PBX1: variants seen among roughly 807,000 people sequenced by gnomAD.
The protein encoded by PBX1 is PBX homeobox 1.
PBX1 carries 6 observed loss-of-function variants against 53.4 expected under a neutral mutation model. The observed-to-expected ratio is 0.11, with a 90% confidence interval of 0.06 to 0.22. The LOEUF is 0.22. Ranked by LOEUF, PBX1 falls within the 10% of genes least tolerant of loss-of-function variation. The pLI is 1.00. For synonymous variants in PBX1, 204 were observed against 212.3 expected (o/e 0.96, Z 0.34); for missense variants, 251 against 551.4 (o/e 0.46, Z 5.46).
intron 2 of PBX1, among the ~76,000 whole-genome samples, chr1:164,633,536 T>C (rs1658549571): frequency 2.6e-5 from 4 of 152,196 alleles, no homozygotes; most frequent in Admixed American, 6.5e-5. Flanking sequence ...TTATTTGGGG[T>C]CTCAGTATGG....
At chr1:164,780,417 G>A (rs2102273125) in intron 2 of PBX1, among the ~76,000 whole-genome samples, 1 of 152,288 alleles carries the variant, frequency 6.6e-6, no homozygotes, top group East Asian at 1.9e-4. Flanking sequence ...ACTTGAATCG[G>A]CAGTCGAGAA....
intron 2 of PBX1, among the ~76,000 whole-genome samples, chr1:164,672,037 G>GTTT (rs35765268): frequency 2.8e-5 from 4 of 142,232 alleles, no homozygotes; most frequent in Non-Finnish European, 3.1e-5. Context: ...TTTTCTTTCT[G>GTTT]TTTTTTTTTT....
intron 2 of PBX1, among the ~76,000 whole-genome samples, chr1:164,665,277 T>G (rs1660742147): frequency 6.6e-6 from 1 of 152,188 alleles, no homozygotes; most frequent in Non-Finnish European, 1.5e-5. Context: ...TTTCAGATTT[T>G]ATTTTATTTT....
chr1:164,802,775 C>G (rs1669146141), intron 4 of PBX1, among the ~76,000 whole-genome samples: 1 of 152,086 alleles, frequency 6.6e-6, no homozygotes. Context: ...TTCATTCATT[C>G]ATTCATTCAT....
chr1:164,618,016 C>T (rs1438014028), intron 2 of PBX1, among the ~76,000 whole-genome samples: 1 of 152,136 alleles, frequency 6.6e-6, no homozygotes, highest in African/African-American at 2.4e-5. Context: ...TTCTTTCCAG[C>T]GGCCTATGCT....
chr1:164,857,657 A>G (rs996607312), intron 2 of PBX1, among the ~76,000 whole-genome samples: 9 of 151,670 alleles, frequency 5.9e-5, no homozygotes, highest in African/African-American at 2.2e-4. Context: ...AGAACAAAAG[A>G]CTCTCCTATC....
At chr1:164,752,452 G>A (rs1173096276) in intron 2 of PBX1, among the ~76,000 whole-genome samples, 5 of 152,086 alleles carry the variant, frequency 3.3e-5, no homozygotes, top group African/African-American at 1.2e-4. Flanking sequence ...AGGGGAGAAT[G>A]CAGAATGTGG....
intron 2 of PBX1, among the ~76,000 whole-genome samples, chr1:164,758,508 C>T (rs1369205288): frequency 6.6e-6 from 1 of 152,084 alleles, no homozygotes; most frequent in African/African-American, 2.4e-5. Flanking sequence ...CTAATGGTCC[C>T]CAGCAGAGGA....
chr1:164,818,287 G>A (rs925632233), intron 6 of PBX1: 2 of 152,178 alleles, frequency 1.3e-5, no homozygotes, highest in Non-Finnish European at 2.9e-5. Context: ...CCATATTAAT[G>A]GAAGGAAGTT....
At chr1:164,682,908 T>G (rs1170119294) in intron 2 of PBX1, 1 of 125,882 alleles carries the variant, frequency 7.9e-6, no homozygotes, top group Non-Finnish European at 1.8e-5. Flanking sequence ...CTCTTAGAGT[T>G]GTCAGGCCCT....
intron 2 of PBX1, among the ~76,000 whole-genome samples, chr1:164,686,092 T>C (rs1662075527): frequency 1.3e-5 from 2 of 152,202 alleles, no homozygotes; most frequent in Admixed American, 6.5e-5. Flanking sequence ...TTTATTCATC[T>C]ATTAAGGGGA....
intron 2 of PBX1, among the ~76,000 whole-genome samples, chr1:164,752,206 TTGTG>T (rs10629820): frequency 0.012 from 1,681 of 143,082 alleles, 15 homozygotes; most frequent in South Asian, 0.042. Flanking sequence ...CTTTAAGGTT[TTGTG>T]TGTGTGTGTG....
chr1:164,590,462 A>AT (rs1655295910), intron 2 of PBX1: 2 of 455,974 alleles, frequency 4.4e-6, no homozygotes, highest in South Asian at 3.1e-5. Flanking sequence ...TGGGAAGTGA[A>AT]TAATGGGGCC....
At chr1:164,863,701 A>C (rs1672148899) in intron 2 of PBX1, among the ~76,000 whole-genome samples, 1 of 152,204 alleles carries the variant, frequency 6.6e-6, no homozygotes, top group Admixed American at 6.5e-5. Flanking sequence ...AGTCCTAGGC[A>C]GAAGGCAGAG....
rs189344969 is a variant in PBX1, at chr1:164,700,855, C to G, written c.266-91639C>G. On this transcript the variant is annotated intron_variant, in intron 2 of 8. Coordinates refer to ENST00000420696, the MANE Select transcript of PBX1 (RefSeq NM_002585.4). ...ATTGCCACTTAGCTGATATGGACTC[C>G]CATCTGCCTCTGACAGTTGCCTGCT... The G allele has an allele frequency of 5.3e-5, 21 of 393,100 alleles. No homozygotes were observed. The East Asian group carries it at 3.2e-3, about 61-fold the overall frequency. The allele number at this position is 393,100 out of a possible 1,614,324, so 24.4% of individuals were successfully genotyped here.
intron 2 of PBX1, among the ~76,000 whole-genome samples, chr1:164,723,601 C>T (rs942905384): frequency 6.6e-6 from 1 of 152,128 alleles, no homozygotes; most frequent in Non-Finnish European, 1.5e-5. Flanking sequence ...AGAGAAGGGG[C>T]GTGGACTTGT....
chr1:164,752,720 A>G (rs1224712806), intron 2 of PBX1, among the ~76,000 whole-genome samples: 1 of 152,198 alleles, frequency 6.6e-6, no homozygotes, highest in Admixed American at 6.5e-5. Flanking sequence ...GGAACATGGA[A>G]GAATTGAAGG....
intron 2 of PBX1, among the ~76,000 whole-genome samples, chr1:164,618,583 T>G (rs1014951198): frequency 9.2e-5 from 14 of 152,334 alleles, no homozygotes; most frequent in Admixed American, 4.6e-4. Flanking sequence ...TATTTCTCAG[T>G]AATATTTAGA....
chr1:164,559,781 G>C lies in PBX1; in HGVS notation c.-42G>C. 6.7e-7 allele frequency: 1 copy of C among 1,483,968 alleles called. No individual in the cohort carries two copies. Among genetic ancestry groups the C allele is most frequent in the Non-Finnish European group, 9.1e-7 (1 of 1,103,378 alleles). 91.9% of individuals were successfully genotyped at this position (1,483,968 alleles called of 1,614,324 possible). Reference sequence around the variant, plus strand: ...GGTGCTTCCCAGGAGCCGAGCCGAGGAGCAGAAGAGGAAGAGCCGGGGGCT... The same window carrying C: ...GGTGCTTCCCAGGAGCCGAGCCGAGCAGCAGAAGAGGAAGAGCCGGGGGCT... On this transcript the variant is annotated 5_prime_UTR_variant, in exon 1 of 9. Coordinates refer to ENST00000420696, the MANE Select transcript of PBX1 (RefSeq NM_002585.4).
Sources: allele counts gnomAD v4.1 joint callset (sites outside exome capture counted in the v4.1 genomes callset), GRCh38; gene constraint gnomAD v4.1.1; transcripts MANE v1.5; gene names NCBI Gene and HGNC (gene_info 2026-07-23, HGNC 2026-07-21).